Variants in ZNF451 observed in about 807,000 individuals in gnomAD.
ZNF451 encodes E3 SUMO-protein ligase ZNF451.
ZNF451 carries 80 observed loss-of-function variants against 107.1 expected under a neutral mutation model. The observed-to-expected ratio is 0.75, with a 90% CI of 0.62 to 0.90. The LOEUF (loss-of-function observed/expected upper bound fraction) is 0.90. ZNF451 is among the 40% of genes least tolerant of loss of function. The pLI is 0.00. For missense variants in ZNF451, 1,107 were observed against 1,236.2 expected (o/e 0.90, Z 1.57); for synonymous variants, 362 against 406.5 (o/e 0.89, Z 1.32).
At chr6:57,094,207 G>A (rs1407363219) in intron 2 of ZNF451, among the ~76,000 whole-genome samples, 1 of 152,116 alleles carries the variant, frequency 6.6e-6, no homozygotes, top group African/African-American at 2.4e-5. Context: ...TGGTTTAACT[G>A]TTTTCCTAAA....
Position 57,148,644 on chromosome 6 carries a change from T to C in ZNF451, c.2559T>C (p.Ser853=). 6.2e-7 allele frequency: 1 copy of C among 1,613,650 alleles called. No individual in the cohort carries two copies. The highest frequency in any genetic ancestry group is 8.5e-7 in the Non-Finnish European group (1 of 1,179,814). Residue 853 remains serine (S), a synonymous_variant, in exon 10 of 15, where the codon AGT becomes AGC. Transcript: ENST00000370706. Reference sequence around the variant, plus strand: ...AACAGGCAATAAACTATTCAAAAAGTTTAGACATGGAGAAAGGAGTTGAGA... The same window carrying C: ...AACAGGCAATAAACTATTCAAAAAGCTTAGACATGGAGAAAGGAGTTGAGA... ...KLKQAINYSK[S]LDMEKGVEND...
intron 3 of ZNF451, among the ~76,000 whole-genome samples, chr6:57,117,326 A>ATTT (rs5876529): frequency 1.4e-5 from 2 of 147,320 alleles, no homozygotes; most frequent in Non-Finnish European, 1.5e-5. Context: ...ATTTTAGAGC[A>ATTT]TTTTTTTTTT....
At chr6:57,137,398 T>C (rs1004607777) in intron 7 of ZNF451, among the ~76,000 whole-genome samples, 2 of 152,218 alleles carry the variant, frequency 1.3e-5, no homozygotes. Context: ...CTTCTCAAAC[T>C]TAAATGTACA....
intron 5 of ZNF451, among the ~76,000 whole-genome samples, chr6:57,130,709 A>G (rs1831142965): frequency 6.6e-6 from 1 of 152,142 alleles, no homozygotes; most frequent in South Asian, 2.1e-4. Flanking sequence ...AATCTTGAGC[A>G]TCTGTTTATG....
At chr6:57,139,908 T>C (rs1831669180) in intron 7 of ZNF451, among the ~76,000 whole-genome samples, 3 of 152,142 alleles carry the variant, frequency 2.0e-5, no homozygotes, top group African/African-American at 7.2e-5. Flanking sequence ...CCGGGTGTAT[T>C]GGTGTATGCC....
intron 9 of ZNF451, among the ~76,000 whole-genome samples, chr6:57,142,790 G>A (rs1003157336): frequency 1.4e-4 from 22 of 152,228 alleles, no homozygotes; most frequent in East Asian, 1.3e-3. Flanking sequence ...AAAGTTGGTC[G>A]TATTAGTTTC....
At chr6:57,133,529 G>A (rs1831281693) in intron 6 of ZNF451, among the ~76,000 whole-genome samples, 1 of 152,172 alleles carries the variant, frequency 6.6e-6, no homozygotes, top group African/African-American at 2.4e-5. Context: ...GAGACAAGGA[G>A]CGTGTACAGA....
At chr6:57,149,030 C>A (rs929824404) in intron 10 of ZNF451, among the ~76,000 whole-genome samples, 5 of 151,946 alleles carry the variant, frequency 3.3e-5, no homozygotes, top group Admixed American at 1.3e-4. Flanking sequence ...TTAGATTTTT[C>A]TTGTAATATT....
intron 2 of ZNF451, among the ~76,000 whole-genome samples, chr6:57,098,365 C>G (rs1422571187): frequency 6.6e-6 from 1 of 151,844 alleles, no homozygotes; most frequent in African/African-American, 2.4e-5. Flanking sequence ...TTCCATTTTA[C>G]TTGTATTCTC....
chr6:57,136,685 T>G (rs1831445171), intron 7 of ZNF451, among the ~76,000 whole-genome samples: 1 of 152,220 alleles, frequency 6.6e-6, no homozygotes, highest in Non-Finnish European at 1.5e-5. Context: ...AGGACATGTT[T>G]CCCTATTCAT....
chr6:57,098,843 G>T (rs1015246410), intron 2 of ZNF451, among the ~76,000 whole-genome samples: 1 of 152,108 alleles, frequency 6.6e-6, no homozygotes, highest in Non-Finnish European at 1.5e-5. Flanking sequence ...TTCTACAGGG[G>T]TGTAGGTGCT....
At chr6:57,100,694 G>C (rs1829551287) in intron 3 of ZNF451, 2 of 1,550,486 alleles carry the variant, frequency 1.3e-6, no homozygotes, top group African/African-American at 1.4e-5. Context: ...GGAGATAGCA[G>C]CTCCTTCTCT....
intron 3 of ZNF451, chr6:57,107,489 T>C (rs1829918473): frequency 4.1e-6 from 4 of 985,112 alleles, no homozygotes; most frequent in Non-Finnish European, 4.8e-6. Context: ...TTAATGGTAG[T>C]AGTATTTTCT....
In ZNF451 at chr6:57,099,137, C is replaced by G; in HGVS notation, c.182C>G (p.Thr61Ser). 5 of 1,603,676 alleles carry G rather than the reference C, an allele frequency of 3.1e-6. No individual in the cohort carries two copies. The highest frequency in any genetic ancestry group is 4.3e-6 in the Non-Finnish European group (5 of 1,170,650). ...SDDEEPSTSY[T>S]DENIKRKDHI... ...GATGAAGAGCCTAGCACCTCTTATA[C>G]TGATGTAAGTACATTATATTTGATT... Residue 61 changes from threonine (T) to serine (S), a missense_variant, in exon 3 of 15, where the codon ACT (threonine) becomes AGT (serine). Thr to Ser is a moderately conservative substitution (Grantham distance 58). This residue lies in a region of ZNF451 where 339 missense variants were observed against 372.8 expected (regional missense o/e 0.91). Coordinates refer to ENST00000370706, the MANE Select transcript of ZNF451 (RefSeq NM_001031623.3).
chr6:57,115,868 C>T (rs1830341828), intron 3 of ZNF451, among the ~76,000 whole-genome samples: 1 of 152,082 alleles, frequency 6.6e-6, no homozygotes, highest in Non-Finnish European at 1.5e-5. Flanking sequence ...TATTTAAAGA[C>T]ATTAGTCCAG....
chr6:57,108,437 C>T (rs920154994), intron 3 of ZNF451: 4 of 985,176 alleles, frequency 4.1e-6, no homozygotes, highest in African/African-American at 3.5e-5. Flanking sequence ...CCCTTAATAC[C>T]TCTTTTGATT....
At chr6:57,136,162 G>T (rs1831416195) in intron 7 of ZNF451, among the ~76,000 whole-genome samples, 1 of 152,288 alleles carries the variant, frequency 6.6e-6, no homozygotes, top group South Asian at 2.1e-4. Flanking sequence ...CTGTAGTAGG[G>T]TAGTCTTGGG....
chr6:57,099,631 T>C, intron 3 of ZNF451: 2 of 652,374 alleles, frequency 3.1e-6, no homozygotes, highest in South Asian at 3.5e-5. Context: ...TAACCTTGTC[T>C]GTGCCCCACA....
chr6:57,147,565 A>G lies in ZNF451; in HGVS notation c.1480A>G (p.Asn494Asp). ...DAVEKHVFSA[N>D]TMGYKCVVCG... Reference sequence around the variant, plus strand: ...AGTAGAAAAGCATGTTTTCTCAGCAAACACAATGGGTTATAAATGTGTGGT... The same window carrying G: ...AGTAGAAAAGCATGTTTTCTCAGCAGACACAATGGGTTATAAATGTGTGGT... The change falls in exon 10 of 15, where the codon AAC becomes GAC. Residue 494 changes from asparagine (N) to aspartate (D), a missense_variant. Asn to Asp is a conservative substitution (Grantham distance 23). This residue lies in a region of ZNF451 where 608 missense variants were observed against 649.2 expected (regional missense o/e 0.94). Coordinates refer to ENST00000370706, the MANE Select transcript of ZNF451 (RefSeq NM_001031623.3). The G allele has an allele frequency of 1.9e-6, 3 of 1,614,178 alleles. No individual in the cohort carries two copies. The highest frequency in any genetic ancestry group is 1.7e-6 in the Non-Finnish European group (2 of 1,180,004).
Sources: gnomAD v4.1 joint callset for allele counts (sites outside exome capture counted in the v4.1 genomes callset) on GRCh38, gnomAD v4.1.1 for gene constraint, gnomAD v4.1.1 regional missense constraint, MANE v1.5 for transcripts, NCBI Gene and HGNC (gene_info 2026-07-23, HGNC 2026-07-21) for gene names.